The following ARFGEF2 variants were observed in gnomAD, a reference collection of about 807,000 sequenced individuals.
ARFGEF2 encodes brefeldin A-inhibited guanine nucleotide-exchange protein 2.
In ARFGEF2, 74 loss-of-function variants were observed where a neutral mutation model predicts 219.9. The ratio of observed to expected loss-of-function variants is 0.34; its 90% CI spans 0.28 to 0.41. The LOEUF is 0.41. Among genes scored for constraint, ARFGEF2 ranks in the 10% least tolerant of loss-of-function variants. ARFGEF2 has a pLI of 1.00. For missense variants in ARFGEF2, 1,743 were observed against 2,218.3 expected (o/e 0.79, Z 4.30); for synonymous variants, 733 against 799.2 (o/e 0.92, Z 1.40).
Position 49,023,118 on chromosome 20 carries a change from C to T in ARFGEF2, c.4692C>T (p.Asp1564=), listed in dbSNP as rs1404536753. The change falls in exon 35 of 39, where the codon GAC becomes GAT. Residue 1564 remains aspartate (D), a synonymous_variant. Transcript: ENST00000371917. ...AGTTGGAATTGATACAGACCATTGACAACATTGTGTTCTACCCTGCGACGA... is the reference window on the plus strand; with the variant it reads ...AGTTGGAATTGATACAGACCATTGATAACATTGTGTTCTACCCTGCGACGA... ...VVQLELIQTI[D]NIVFYPATSK... The T allele has an allele frequency of 6.2e-7, 1 of 1,614,134 alleles. No homozygotes were observed. The highest frequency in any genetic ancestry group is 2.2e-5 in the East Asian group (1 of 44,888).
intron 2 of ARFGEF2, 138 bp downstream of exon 2, chr20:48,941,367 GCA>G: frequency 1.2e-6 from 1 of 861,988 alleles, no homozygotes. Flanking sequence ...ATGGTGCTAG[GCA>G]CACGGCACAA....
rs200124620 is a variant in ARFGEF2 at position 48,951,357 on chromosome 20, C to T, written c.311C>T (p.Ala104Val). The change falls in exon 4 of 39, where the codon GCC becomes GTC. Residue 104 changes from alanine to valine, a missense_variant. By Grantham distance (64) the Ala-to-Val change is moderately conservative. Transcript: ENST00000371917. ...LIAYGHITGN[A>V]PDSGAPGKRL... Reference sequence around the variant, plus strand: ...GCATACGGGCACATCACTGGCAACGCCCCTGACAGTGGAGCCCCTGGGAAG... The same window carrying T: ...GCATACGGGCACATCACTGGCAACGTCCCTGACAGTGGAGCCCCTGGGAAG... The T allele has an allele frequency of 2.5e-6, 4 of 1,614,084 alleles. No homozygotes were observed. The African/African-American group carries it at 4.0e-5, about 16-fold the overall frequency.
At chr20:48,924,981 C>T (rs2090868041) in intron 1 of ARFGEF2, among the ~76,000 whole-genome samples, 1 of 152,222 alleles carries the variant, frequency 6.6e-6, no homozygotes. Flanking sequence ...ACCACAGCAG[C>T]TGTAATTACT....
chr20:48,950,243 A>G (rs138656158), intron 3 of ARFGEF2, among the ~76,000 whole-genome samples: 3 of 152,122 alleles, frequency 2.0e-5, no homozygotes, highest in Non-Finnish European at 4.4e-5. Flanking sequence ...TAGGTGTGAA[A>G]TGCAGATGAA....
chr20:48,953,916 C>CT, intron 6 of ARFGEF2, 126 bp downstream of exon 6: 1 of 1,003,344 alleles, frequency 1.0e-6, no homozygotes, highest in East Asian at 2.6e-5. Flanking sequence ...CTTTCTGGGC[C>CT]TTTCCCTTTG....
rs765174402 is a variant in ARFGEF2, at chr20:48,973,282, C to T, written c.1663C>T (p.Gln555Ter). 6.2e-7 allele frequency: 1 copy of T among 1,614,048 alleles called. No individual in the cohort carries two copies. Among genetic ancestry groups the T allele is most frequent in the Non-Finnish European group, 8.5e-7 (1 of 1,179,978 alleles). ...SGHELGMTPL[Q>*]ELSLRKKGLE... Reference sequence around the variant, plus strand: ...ACATGAGCTGGGAATGACACCTCTGCAGGTAAAAACACTGTGGACACTCAA... The same window carrying T: ...ACATGAGCTGGGAATGACACCTCTGTAGGTAAAAACACTGTGGACACTCAA... The change falls in exon 12 of 39, where the codon CAG becomes TAG. Residue 555 changes from glutamine to a stop codon, truncating the protein, a stop_gained and splice_region_variant. Transcript: ENST00000371917. LOFTEE classifies it high-confidence loss of function.
intron 34 of ARFGEF2, 23 bp from the exon 35 acceptor site, chr20:49,023,028 T>A: frequency 1.2e-6 from 2 of 1,614,004 alleles, no homozygotes; most frequent in Non-Finnish European, 1.7e-6. Context: ...ATTATTAGGG[T>A]TAATCTTTAT....
intron 20 of ARFGEF2, 104 bp downstream of exon 20, chr20:48,989,788 T>C: frequency 3.9e-6 from 6 of 1,540,726 alleles, no homozygotes; most frequent in Non-Finnish European, 4.4e-6. Context: ...TCAAGACTCT[T>C]AGCAAGCTAC....
chr20:49,004,782 A>T (rs910455061), intron 25 of ARFGEF2, among the ~76,000 whole-genome samples: 1 of 152,116 alleles, frequency 6.6e-6, no homozygotes, highest in African/African-American at 2.4e-5. Flanking sequence ...ACAGAGCCAG[A>T]CTCCATCTTA....
intron 11 of ARFGEF2, 78 bp downstream of exon 11, chr20:48,972,503 C>G (rs116852287): frequency 4.5e-5 from 50 of 1,113,526 alleles, no homozygotes; most frequent in Non-Finnish European, 6.9e-5. Flanking sequence ...GACTTCTAAC[C>G]CCTCCTTTTA....
In ARFGEF2 at chr20:48,989,561, G is replaced by A. The variant is rs1198216387; in HGVS notation, c.2691G>A (p.Val897=). 6 of 1,614,120 alleles carry A rather than the reference G, an allele frequency of 3.7e-6. No homozygotes were observed. The highest frequency in any genetic ancestry group is 4.2e-6 in the Non-Finnish European group (5 of 1,180,050). ...AAATCTTCCTTCCATGATAGCTGGT[G>A]TGGACGCCACTATTGGCAGCCTACA... ...LDHVRPMFKL[V]WTPLLAAYSI... Residue 897 remains valine, a synonymous_variant, in exon 20 of 39, where the codon GTG becomes GTA. Transcript: ENST00000371917.
At chr20:48,934,836 G>T (rs2090936559) in intron 1 of ARFGEF2, among the ~76,000 whole-genome samples, 1 of 152,150 alleles carries the variant, frequency 6.6e-6, no homozygotes. Context: ...TGTCTTTATA[G>T]TATAATGATT....
intron 14 of ARFGEF2, among the ~76,000 whole-genome samples, chr20:48,978,667 C>T (rs1451243461): frequency 2.0e-5 from 3 of 152,114 alleles, no homozygotes; most frequent in Non-Finnish European, 2.9e-5. Context: ...TTATAGTTCT[C>T]CTTGAAGAAG....
At chr20:48,924,719 G>A (rs1167799236) in intron 1 of ARFGEF2, among the ~76,000 whole-genome samples, 1 of 152,126 alleles carries the variant, frequency 6.6e-6, no homozygotes, top group Non-Finnish European at 1.5e-5. Context: ...GCATATTAGG[G>A]GAGAGGATCA....
chr20:48,962,743 C>T (rs1289996807), intron 6 of ARFGEF2, among the ~76,000 whole-genome samples: 1 of 152,022 alleles, frequency 6.6e-6, no homozygotes, highest in Non-Finnish European at 1.5e-5. Flanking sequence ...TGTTAAGTGC[C>T]CAGTGGAAAT....
At chr20:48,988,450 T>C in intron 17 of ARFGEF2, 41 bp from the exon 18 acceptor site, 1 of 1,610,642 alleles carries the variant, frequency 6.2e-7, no homozygotes, top group Non-Finnish European at 8.5e-7. Context: ...CTTGGGCAAT[T>C]GGATGTTTTT....
chr20:48,974,941 TGTCTTAGTATA>T, intron 13 of ARFGEF2, 67 bp downstream of exon 13: 1 of 1,310,936 alleles, frequency 7.6e-7, no homozygotes, highest in Non-Finnish European at 1.1e-6. Flanking sequence ...TAGGAACAGT[TGTCTTAGTATA>T]GTTGTCTTAG....
At chr20:48,998,863 A>G (rs2091407673) in intron 25 of ARFGEF2, among the ~76,000 whole-genome samples, 1 of 152,222 alleles carries the variant, frequency 6.6e-6, no homozygotes, top group South Asian at 2.1e-4. Context: ...GTTACGTTCC[A>G]GGTAGTTTTA....
chr20:48,950,801 AAAAAAAAAAAATATATATATAT>A (rs1568699043), intron 3 of ARFGEF2, among the ~76,000 whole-genome samples: 1 of 35,434 alleles, frequency 2.8e-5, no homozygotes, highest in Non-Finnish European at 5.7e-5. Context: ...GTCTAAAAAA[AAAAAAAAAAAATATATATATAT>A]ATATATATAT....
Sources: allele counts gnomAD v4.1 joint callset (sites outside exome capture counted in the v4.1 genomes callset), GRCh38; gene constraint gnomAD v4.1.1; transcripts MANE v1.5; gene names NCBI Gene and HGNC (gene_info 2026-07-23, HGNC 2026-07-21).